NPAS3: variants seen among roughly 807,000 people sequenced by gnomAD.
NPAS3 encodes neuronal PAS domain-containing protein 3.
In NPAS3, 14 loss-of-function variants were observed where a neutral mutation model predicts 73.1. That is an observed-to-expected ratio of 0.19 (90% CI 0.13 to 0.30). The LOEUF is 0.30. Among genes scored for constraint, NPAS3 ranks in the 10% least tolerant of loss-of-function variants. NPAS3 has a pLI of 1.00. For synonymous variants in NPAS3, 620 were observed against 541.5 expected, an observed-to-expected ratio of 1.14 and a Z score of -2.01; for missense variants, 1,096 against 1,250.0, an observed-to-expected ratio of 0.88 and a Z score of 1.86.
intron 4 of NPAS3, among the ~76,000 whole-genome samples, chr14:33,543,987 A>AG (rs2054651700): frequency 2.7e-5 from 1 of 37,426 alleles, no homozygotes; most frequent in Admixed American, 2.5e-4. Context: ...ATATATATAT[A>AG]TATATATATA....
At chr14:33,643,373 A>ATT (rs150618153) in intron 5 of NPAS3, among the ~76,000 whole-genome samples, 2 of 99,872 alleles carry the variant, frequency 2.0e-5, no homozygotes, top group African/African-American at 3.7e-5. Context: ...AGAAATAAAA[A>ATT]TTAAAAAAAA....
Position 33,022,668 on chromosome 14 carries a change from A to C in NPAS3, c.51-33237A>C, listed in dbSNP as rs1243701910. On this transcript the variant is annotated intron_variant, in intron 1 of 11. Coordinates refer to ENST00000356141, the Ensembl canonical transcript of NPAS3. ...CGACAGAGCGAGACTCCGTCCCAAA[A>C]AAAAAAAAAAAAAAAAAAAAGTTAC... is the stretch of plus-strand genomic sequence containing the variant. Among the ~76,000 whole-genome samples the C allele has an allele frequency of 2.7e-4, 20 of 74,954 alleles. 1 individual carries two copies. The highest frequency in any genetic ancestry group is 4.4e-4 in the African/African-American group (5 of 11,264). The allele number at this position is 74,954 out of a possible 152,430, so 49.2% of individuals were successfully genotyped here.
intron 1 of NPAS3, among the ~76,000 whole-genome samples, chr14:32,939,696 T>C (rs1214604462): frequency 1.3e-5 from 2 of 148,416 alleles, no homozygotes; most frequent in Non-Finnish European, 3.0e-5. Flanking sequence ...GCGAAGGCGC[T>C]GCCGTGTGAC....
At chr14:33,732,570 G>T (rs1341837421) in intron 6 of NPAS3, among the ~76,000 whole-genome samples, 1 of 152,140 alleles carries the variant, frequency 6.6e-6, no homozygotes, top group Non-Finnish European at 1.5e-5. Flanking sequence ...GAAGTCATAT[G>T]GAATTTCAGT....
chr14:33,172,659 C>G (rs2045436253), intron 2 of NPAS3, among the ~76,000 whole-genome samples: 1 of 152,038 alleles, frequency 6.6e-6, no homozygotes, highest in Non-Finnish European at 1.5e-5. Flanking sequence ...TAGCTTGAAC[C>G]TTGGAGGCGG....
At chr14:33,718,117 G>C (rs1044150274) in intron 6 of NPAS3, among the ~76,000 whole-genome samples, 2 of 152,016 alleles carry the variant, frequency 1.3e-5, no homozygotes, top group Non-Finnish European at 2.9e-5. Context: ...CTGCTGACTT[G>C]CAAACTCAAG....
At chr14:33,232,516 T>G (rs1255495878) in intron 3 of NPAS3, among the ~76,000 whole-genome samples, 1 of 152,178 alleles carries the variant, frequency 6.6e-6, no homozygotes, top group African/African-American at 2.4e-5. Context: ...CCCAATATCT[T>G]TAGTTCTTTA....
chr14:33,354,658 T>C (rs1249392982), intron 3 of NPAS3, among the ~76,000 whole-genome samples: 2 of 152,072 alleles, frequency 1.3e-5, no homozygotes, highest in Admixed American at 1.3e-4. Flanking sequence ...CCCTTCAACT[T>C]CCCATCTTCT....
intron 5 of NPAS3, among the ~76,000 whole-genome samples, chr14:33,636,902 T>G (rs534842376): frequency 4.3e-4 from 52 of 121,976 alleles, no homozygotes; most frequent in African/African-American, 2.4e-3. Flanking sequence ...ACTCGGAGTG[T>G]GCACACACAC....
intron 4 of NPAS3, among the ~76,000 whole-genome samples, chr14:33,537,209 C>G (rs2054296023): frequency 1.3e-5 from 2 of 152,146 alleles, no homozygotes; most frequent in Admixed American, 1.3e-4. Flanking sequence ...TGCTTAAGAT[C>G]AATAAATGAG....
At chr14:32,938,482 A>AGAGAGAG (rs2035781447), upstream of NPAS3, among the ~76,000 whole-genome samples, 2 of 15,058 alleles carry the variant, frequency 1.3e-4, no homozygotes, top group African/African-American at 3.1e-4. Flanking sequence ...AGAGAGAGAG[A>AGAGAGAG]AATTGAGAGA....
intron 6 of NPAS3, among the ~76,000 whole-genome samples, chr14:33,723,998 A>AC (rs1201778791): frequency 3.0e-4 from 45 of 152,264 alleles, no homozygotes; most frequent in African/African-American, 1.0e-3. Flanking sequence ...GCACGATCAA[A>AC]CCTTGGGCTT....
chr14:33,661,419 T>G (rs2059305106), intron 5 of NPAS3, among the ~76,000 whole-genome samples: 1 of 152,210 alleles, frequency 6.6e-6, no homozygotes, highest in Non-Finnish European at 1.5e-5. Flanking sequence ...CTGATGAATC[T>G]CATTTCCAAT....
At chr14:32,991,652 A>T (rs2038339714) in intron 1 of NPAS3, among the ~76,000 whole-genome samples, 1 of 152,230 alleles carries the variant, frequency 6.6e-6, no homozygotes, top group Non-Finnish European at 1.5e-5. Flanking sequence ...AATTTGCATC[A>T]TTTAGATCAT....
At chr14:33,717,999 G>GTTT (rs149107903) in intron 6 of NPAS3, among the ~76,000 whole-genome samples, 2 of 147,170 alleles carry the variant, frequency 1.4e-5, no homozygotes, top group African/African-American at 5.0e-5. Flanking sequence ...TTTGTAATGG[G>GTTT]TTTTTTTTTT....
At chr14:33,357,226 G>A (rs2045378612) in intron 3 of NPAS3, among the ~76,000 whole-genome samples, 1 of 152,156 alleles carries the variant, frequency 6.6e-6, no homozygotes, top group East Asian at 1.9e-4. Context: ...CAGTGGTGGT[G>A]GCTATGTACA....
chr14:33,399,036 T>C (rs17100999), intron 4 of NPAS3, among the ~76,000 whole-genome samples: 4,488 of 152,134 alleles, frequency 0.03, 203 homozygotes, highest in African/African-American at 0.1. Context: ...GTTCGAGCCG[T>C]CTTGACATGT....
rs547822028 is a variant in NPAS3 at position 33,794,849 on chromosome 14, G to A, written c.1301+805G>A. On this transcript the variant is annotated intron_variant, in intron 10 of 11. Transcript: ENST00000356141. ...TTGAGTTTGGGGGCAGGCTTTCTGG[G>A]AAGTTCTCCACCAATCCTGCACTTG... Among the ~76,000 whole-genome samples the A allele has an allele frequency of 2.0e-5, 3 of 152,192 alleles. No homozygotes were observed. The East Asian group carries it at 5.8e-4, about 29-fold the overall frequency.
chr14:33,610,109 C>T (rs2140043005), intron 5 of NPAS3, among the ~76,000 whole-genome samples: 1 of 152,094 alleles, frequency 6.6e-6, no homozygotes, highest in African/African-American at 2.4e-5. Flanking sequence ...CATAGTAGTT[C>T]CTCCCAAACC....
Sources: allele counts gnomAD v4.1 joint callset (sites outside exome capture counted in the v4.1 genomes callset), GRCh38; gene constraint gnomAD v4.1.1; transcripts MANE v1.5; gene names NCBI Gene and HGNC (gene_info 2026-07-23, HGNC 2026-07-21).